GRIK1: variants seen among roughly 807,000 people sequenced by gnomAD.
GRIK1 encodes glutamate ionotropic receptor kainate type subunit 1.
GRIK1 carries 69 observed loss-of-function variants against 105.7 expected under a neutral mutation model. That is an observed-to-expected ratio of 0.65 (90% CI 0.54 to 0.80). The LOEUF (loss-of-function observed/expected upper bound fraction) is 0.80, where lower values mean the gene tolerates loss of function less well. Among genes scored for constraint, GRIK1 ranks in the 30% least tolerant of loss-of-function variants. GRIK1 has a pLI of 0.00. For synonymous variants in GRIK1, 438 were observed against 431.3 expected, an observed-to-expected ratio of 1.02 and a Z score of -0.19; for missense variants, 1,109 against 1,167.3, an observed-to-expected ratio of 0.95 and a Z score of 0.73.
intron 1 of GRIK1, among the ~76,000 whole-genome samples, chr21:29,829,775 T>G (rs2067573929): frequency 6.6e-6 from 1 of 152,172 alleles, no homozygotes; most frequent in South Asian, 2.1e-4. Flanking sequence ...ATACCTTTCA[T>G]TCTGCTGTGT....
chr21:29,886,688 C>T (rs893931576), intron 1 of GRIK1, among the ~76,000 whole-genome samples: 1 of 152,098 alleles, frequency 6.6e-6, no homozygotes, highest in African/African-American at 2.4e-5. Flanking sequence ...TACAATGGAT[C>T]CTTTCAACTC....
chr21:29,847,433 A>G (rs1638307912), intron 1 of GRIK1, among the ~76,000 whole-genome samples: 2 of 152,160 alleles, frequency 1.3e-5, no homozygotes, highest in Non-Finnish European at 2.9e-5. Context: ...CGTCTCTACT[A>G]AAAATACAAA....
chr21:29,903,389 A>G (rs189421370), intron 1 of GRIK1, among the ~76,000 whole-genome samples: 2 of 152,338 alleles, frequency 1.3e-5, no homozygotes, highest in Non-Finnish European at 2.9e-5. Context: ...TCCATCTGAC[A>G]AAGGGCTAAT....
intron 1 of GRIK1, among the ~76,000 whole-genome samples, chr21:29,862,616 T>G (rs755648638): frequency 6.6e-6 from 1 of 152,158 alleles, no homozygotes; most frequent in Admixed American, 6.5e-5. Context: ...CCTTCCTCAT[T>G]TATCATGACA....
At chr21:29,737,095 A>G (rs1359222406) in intron 1 of GRIK1, among the ~76,000 whole-genome samples, 1 of 152,176 alleles carries the variant, frequency 6.6e-6, no homozygotes, top group East Asian at 1.9e-4. Flanking sequence ...TGTTTTACCC[A>G]CAATATGAAA....
intron 10 of GRIK1, among the ~76,000 whole-genome samples, chr21:29,589,702 GT>G (rs1309221194): frequency 6.6e-6 from 1 of 152,084 alleles, no homozygotes; most frequent in Non-Finnish European, 1.5e-5. Flanking sequence ...GGGACTACCG[GT>G]GTGAGCCACC....
chr21:29,682,403 G>A (rs1178719913), intron 3 of GRIK1, among the ~76,000 whole-genome samples: 1 of 152,082 alleles, frequency 6.6e-6, no homozygotes, highest in African/African-American at 2.4e-5. Flanking sequence ...TTTGGGAGGC[G>A]GGCCTATCCA....
At chr21:29,831,095 A>G (rs2067623763) in intron 1 of GRIK1, among the ~76,000 whole-genome samples, 1 of 152,166 alleles carries the variant, frequency 6.6e-6, no homozygotes. Context: ...CATTTATTAC[A>G]AAAGATAAAA....
chr21:29,921,733 C>T (rs771390936), intron 1 of GRIK1, among the ~76,000 whole-genome samples: 7 of 152,114 alleles, frequency 4.6e-5, no homozygotes, highest in Admixed American at 6.5e-5. Context: ...TTTCTCTGCA[C>T]ATAAGCTCAC....
At chr21:29,629,738 C>T (rs978183157) in intron 7 of GRIK1, among the ~76,000 whole-genome samples, 66 of 152,312 alleles carry the variant, frequency 4.3e-4, no homozygotes, top group Non-Finnish European at 3.1e-4. Flanking sequence ...ATCTGCCTGC[C>T]TCGGCCTCCC....
rs571688087 is a variant in GRIK1, at chr21:29,725,313, G to A, written c.119-31250C>T. Among the ~76,000 whole-genome samples the A allele has an allele frequency of 3.3e-5, 5 of 152,296 alleles. No individual in the cohort carries two copies. In the South Asian group the frequency reaches 8.3e-4, roughly 25 times the overall value. On this transcript the variant is annotated intron_variant, in intron 1 of 17. Coordinates refer to ENST00000327783, the MANE Select transcript of GRIK1 (RefSeq NM_001330994.2). Reference sequence around the variant, plus strand: ...CAACCTGCCAATTCTTATCTTCCTCGTTGGGGAAAAGGACAAGTGACTCAC... The same window carrying A: ...CAACCTGCCAATTCTTATCTTCCTCATTGGGGAAAAGGACAAGTGACTCAC...
At chr21:29,709,568 TAA>T (rs929000362) in intron 1 of GRIK1, among the ~76,000 whole-genome samples, 7 of 152,152 alleles carry the variant, frequency 4.6e-5, no homozygotes, top group African/African-American at 1.7e-4. Flanking sequence ...AGAATATCAT[TAA>T]ACTTATAAAT....
intron 1 of GRIK1, among the ~76,000 whole-genome samples, chr21:29,810,639 T>TATTAA (rs2066986055): frequency 6.6e-6 from 1 of 152,176 alleles, no homozygotes; most frequent in Non-Finnish European, 1.5e-5. Context: ...TTTTTTCACT[T>TATTAA]ATTAAATCCA....
intron 1 of GRIK1, among the ~76,000 whole-genome samples, chr21:29,799,484 G>A (rs894086590): frequency 7.3e-5 from 11 of 151,284 alleles, no homozygotes; most frequent in East Asian, 1.9e-4. Flanking sequence ...CAGAGCCCCA[G>A]AGCCCAGGTG....
intron 15 of GRIK1, among the ~76,000 whole-genome samples, chr21:29,556,109 C>T (rs2090248427): frequency 6.6e-6 from 1 of 152,274 alleles, no homozygotes; most frequent in South Asian, 2.1e-4. Context: ...TTGTGTCCTG[C>T]AAGACATTTT....
chr21:29,646,623 T>C (rs1568929063), intron 6 of GRIK1, among the ~76,000 whole-genome samples: 1 of 152,096 alleles, frequency 6.6e-6, no homozygotes, highest in Non-Finnish European at 1.5e-5. Context: ...AAAGTCCCCA[T>C]ACTTAGCTGC....
intron 1 of GRIK1, among the ~76,000 whole-genome samples, chr21:29,818,827 A>G (rs2067223803): frequency 6.6e-6 from 1 of 151,816 alleles, no homozygotes; most frequent in Non-Finnish European, 1.5e-5. Context: ...GTTAGGATGA[A>G]TCTGACCTCA....
intron 1 of GRIK1, among the ~76,000 whole-genome samples, chr21:29,756,867 A>C (rs564932844): frequency 6.6e-6 from 1 of 152,304 alleles, no homozygotes; most frequent in South Asian, 2.1e-4. Context: ...TAATCCCAGC[A>C]CTTTGGGAGG....
intron 1 of GRIK1, among the ~76,000 whole-genome samples, chr21:29,816,992 G>A (rs968551951): frequency 6.6e-6 from 1 of 152,088 alleles, no homozygotes; most frequent in Non-Finnish European, 1.5e-5. Flanking sequence ...TTCTAAATAT[G>A]CTGATTTGAT....
Sources: allele counts gnomAD v4.1 joint callset (sites outside exome capture counted in the v4.1 genomes callset), GRCh38; gene constraint gnomAD v4.1.1; transcripts MANE v1.5; gene names NCBI Gene and HGNC (gene_info 2026-07-23, HGNC 2026-07-21).